CLEC4G: variants seen among roughly 807,000 people sequenced by gnomAD.
The protein encoded by CLEC4G is C-type lectin superfamily 4, member G.
In CLEC4G, 34 loss-of-function variants were observed where a neutral mutation model predicts 37.0. The observed-to-expected ratio is 0.92, with a 90% CI of 0.70 to 1.22. The LOEUF is 1.22. CLEC4G is among the 50% of genes most tolerant of loss of function. The pLI is 0.00. For missense variants in CLEC4G, 390 were observed against 392.9 expected (o/e 0.99, Z 0.06); for synonymous variants, 167 against 165.6 (o/e 1.01, Z -0.06).
chr19:7,729,929 A>T lies in CLEC4G; in HGVS notation c.635T>A (p.Leu212His). Reference sequence around the variant, plus strand: ...ACCACGGCCACGCGTGTTCCGAGTGAGGAAGCCCTAGAAAGGAGGGGACAT... The same window carrying T: ...ACCACGGCCACGCGTGTTCCGAGTGTGGAAGCCCTAGAAAGGAGGGGACAT... ...IVGGLDEQGFLTRNTRGRGYW... is the reference protein window; with the variant it reads ...IVGGLDEQGFHTRNTRGRGYW... Residue 212 changes from leucine (L) to histidine (H), a missense_variant, in exon 8 of 9, where the codon CTC (leucine) becomes CAC (histidine). Coordinates refer to ENST00000328853, the MANE Select transcript of CLEC4G (RefSeq NM_198492.4). The T allele has an allele frequency of 1.2e-6, 2 of 1,614,022 alleles. No individual in the cohort carries two copies. The highest frequency in any genetic ancestry group is 2.7e-5 in the African/African-American group (2 of 75,038).
chr19:7,729,931 G>A lies in CLEC4G; in HGVS notation c.633C>T (p.Phe211=), dbSNP rs1309172072. Residue 211 remains phenylalanine, a synonymous_variant, in exon 8 of 9, where the codon TTC becomes TTT. Coordinates refer to ENST00000328853, the MANE Select transcript of CLEC4G (RefSeq NM_198492.4). The part of the protein sequence containing the change: ...VIVGGLDEQG[F]LTRNTRGRGY... ...CACGGCCACGCGTGTTCCGAGTGAG[G>A]AAGCCCTAGAAAGGAGGGGACATCT... 3.7e-6 allele frequency: 6 copies of A among 1,613,922 alleles called. No individual in the cohort carries two copies. The highest frequency in any genetic ancestry group is 1.3e-5 in the African/African-American group (1 of 74,952).
rs2146298488 is a variant in CLEC4G, at chr19:7,729,030, T to C, written c.*336A>G. 1 of 408,736 alleles carries C rather than the reference T, an allele frequency of 2.4e-6. No individual in the cohort carries two copies. Among genetic ancestry groups the C allele is most frequent in the East Asian group, 5.7e-5 (1 of 17,470 alleles). 25.3% of individuals were successfully genotyped at this position (408,736 alleles called of 1,614,324 possible). A position where few individuals can be genotyped will look rare whatever the true frequency, so the allele number is the denominator to read the frequency against. On this transcript the variant is annotated 3_prime_UTR_variant, in exon 9 of 9. Transcript: ENST00000328853. ...AAACAGCTTCCAGTTTGGTGGAAAA[T>C]GCGAGAAAACCAAACAGCTCCAGTC...
rs755694715 is a variant in CLEC4G at position 7,729,451 on chromosome 19, A to G, written c.797T>C (p.Met266Thr). The G allele has an allele frequency of 2.5e-6, 4 of 1,604,066 alleles. No individual in the cohort carries two copies. In the South Asian group the frequency reaches 3.3e-5, roughly 13 times the overall value. Residue 266 changes from methionine (M) to threonine (T), a missense_variant, in exon 9 of 9, where the codon ATG becomes ACG. Coordinates refer to ENST00000328853, the MANE Select transcript of CLEC4G (RefSeq NM_198492.4). ...NDAWGRENCV[M>T]MLHTGLWNDA... is the part of the protein sequence containing the mutation. ...GTTCCACAGCCCCGTGTGCAGCATC[A>G]TGACACAGTTCTCGCGCCCCCAAGC...
In CLEC4G at chr19:7,730,680, G is replaced by A; in HGVS notation, c.388+75C>T. 2 of 1,485,456 alleles carry A rather than the reference G, an allele frequency of 1.3e-6. No individual in the cohort carries two copies. The highest frequency in any genetic ancestry group is 2.6e-5 in the South Asian group (2 of 76,598). 92.0% of individuals were successfully genotyped at this position (1,485,456 alleles called of 1,614,324 possible). A position where few individuals can be genotyped will look rare whatever the true frequency, so the allele number is the denominator to read the frequency against. On this transcript the variant is annotated intron_variant, in intron 5 of 8. Coordinates refer to ENST00000328853, the MANE Select transcript of CLEC4G (RefSeq NM_198492.4). This position sits in a 1 kb window ranked among gnomAD's most constrained non-coding sequence, Gnocchi z 7.3. ...GACGGGGTGCATGATCGGGGTCGGG[G>A]GTCAGCACTCAGGACGGGGTCGGGG...
Position 7,730,415 on chromosome 19 carries a change from G to A in CLEC4G, c.414C>T (p.Gly138=), listed in dbSNP as rs760940036. The change falls in exon 6 of 9, where the codon GGC becomes GGT. Residue 138 remains glycine (G), a synonymous_variant. Coordinates refer to ENST00000328853, the MANE Select transcript of CLEC4G (RefSeq NM_198492.4). This position sits in a 1 kb window ranked among gnomAD's most constrained non-coding sequence, Gnocchi z 7.3. ...ERVTQGLAEA[G]RGREDVRTEL... ...CAGTGCGGACGTCCTCACGGCCCCTGCCGGCTTCAGCCAAGCCCTGGGTCA... is the reference window on the plus strand; with the variant it reads ...CAGTGCGGACGTCCTCACGGCCCCTACCGGCTTCAGCCAAGCCCTGGGTCA... 3.1e-6 allele frequency: 5 copies of A among 1,601,812 alleles called. No homozygotes were observed. The South Asian group carries it at 5.5e-5, about 18-fold the overall frequency.
In CLEC4G at chr19:7,729,069, C is replaced by G; in HGVS notation, c.*297G>C. 2.0e-6 allele frequency: 1 copy of G among 505,922 alleles called. No homozygotes were observed. The highest frequency in any genetic ancestry group is 1.8e-5 in the South Asian group (1 of 56,458). 31.3% of individuals were successfully genotyped at this position (505,922 alleles called of 1,614,324 possible). On this transcript the variant is annotated 3_prime_UTR_variant, in exon 9 of 9. Transcript: ENST00000328853. The stretch of plus-strand genomic sequence containing the variant: ...ACAGCTCCAGTCCTCAGTCACCTAA[C>G]CTTGGTTAGGGAGAGAAGTGGAGGC...
Position 7,730,220 on chromosome 19 carries a change from G to T in CLEC4G, c.479-53C>A. 2 of 1,596,530 alleles carry T rather than the reference G, an allele frequency of 1.3e-6. No individual in the cohort carries two copies. Among genetic ancestry groups the T allele is most frequent in the South Asian group, 1.1e-5 (1 of 89,582 alleles). On this transcript the variant is annotated intron_variant, in intron 6 of 8. Coordinates refer to ENST00000328853, the MANE Select transcript of CLEC4G (RefSeq NM_198492.4). The surrounding 1 kb of genome is among the most constrained non-coding windows in gnomAD (Gnocchi z 7.3). Reference sequence around the variant, plus strand: ...CGCGTGCTTCCAGGGGCAACGCACCGAGAGGATGCAGTGGGTAGGGGTTCG... The same window carrying T: ...CGCGTGCTTCCAGGGGCAACGCACCTAGAGGATGCAGTGGGTAGGGGTTCG...
intron 3 of CLEC4G, 76 bp downstream of exon 3, chr19:7,731,190 G>A (rs112445978): frequency 2.5e-6 from 4 of 1,574,204 alleles, no homozygotes; most frequent in Admixed American, 1.8e-5. Context: ...CCACGCACTC[G>A]AGACTCCATC....
intron 8 of CLEC4G, 50 bp from the exon 9 acceptor site, chr19:7,729,554 A>G (rs756155814): frequency 1.4e-6 from 2 of 1,436,274 alleles, no homozygotes; most frequent in East Asian, 4.6e-5. Context: ...ACAGAGGATG[A>G]ACTCGGGGTC....
intron 3 of CLEC4G, 82 bp from the exon 4 acceptor site, chr19:7,731,170 C>A: frequency 6.3e-7 from 1 of 1,585,692 alleles, no homozygotes; most frequent in Non-Finnish European, 8.5e-7. Flanking sequence ...CCTCAGGGAC[C>A]ATAGGGCCCC....
At position 7,730,518 on chromosome 19, in the gene CLEC4G, C is replaced by A; in HGVS notation, c.389-78G>T. ...GTCATGACTAGCTAAAGGTCAGGAC[C>A]CCTGTCTGTGGTCATTGTACCCTCG... is the stretch of plus-strand genomic sequence containing the variant. On this transcript the variant is annotated intron_variant, in intron 5 of 8. Coordinates refer to ENST00000328853, the MANE Select transcript of CLEC4G (RefSeq NM_198492.4). This position sits in a 1 kb window ranked among gnomAD's most constrained non-coding sequence, Gnocchi z 7.3. 2 of 1,549,860 alleles carry A rather than the reference C, an allele frequency of 1.3e-6. No homozygotes were observed. The highest frequency in any genetic ancestry group is 1.4e-5 in the African/African-American group (1 of 73,682).
At position 7,731,282 on chromosome 19, in the gene CLEC4G, G is replaced by T; in HGVS notation, c.204C>A (p.Asp68Glu). The T allele has an allele frequency of 6.3e-7, 1 of 1,591,108 alleles. No homozygotes were observed. Among genetic ancestry groups the T allele is most frequent in the Non-Finnish European group, 8.5e-7 (1 of 1,172,914 alleles). ...TGCACACACCGTTTGTCCTCAGCAG[G>T]TCGTGGCCGTCAAGCAGCGCCGCGC... Reference protein sequence around the residue: ...TERAALLDGHDLLRTNASKQT... With the variant: ...TERAALLDGHELLRTNASKQT... The change falls in exon 3 of 9, where the codon GAC (aspartate) becomes GAA (glutamate). Residue 68 changes from aspartate (D) to glutamate (E), a missense_variant. By Grantham distance (45) the Asp-to-Glu change is conservative. Transcript: ENST00000328853.
At chr19:7,729,712 C>G in intron 8 of CLEC4G, 109 bp downstream of exon 8, 1 of 1,529,860 alleles carries the variant, frequency 6.5e-7, no homozygotes, top group Non-Finnish European at 8.8e-7. Flanking sequence ...GCCTGCCCAT[C>G]CCTAAGTATG....
rs746262429 is a variant in CLEC4G, at chr19:7,731,285, G to C, written c.201C>G (p.His67Gln). ...STERAALLDG[H>Q]DLLRTNASKQ... ...ACACACCGTTTGTCCTCAGCAGGTC[G>C]TGGCCGTCAAGCAGCGCCGCGCGCT... Residue 67 changes from histidine to glutamine, a missense_variant, in exon 3 of 9, where the codon CAC becomes CAG. By Grantham distance (24) the His-to-Gln change is conservative (BLOSUM62 0). Coordinates refer to ENST00000328853, the MANE Select transcript of CLEC4G (RefSeq NM_198492.4). 4.1e-5 allele frequency: 65 copies of C among 1,590,680 alleles called. No homozygotes were observed. The highest frequency in any genetic ancestry group is 4.1e-4 in the South Asian group (36 of 88,304).
chr19:7,730,705 G>A lies in CLEC4G; in HGVS notation c.388+50C>T, dbSNP rs2033415250. ...GGTCAGCACTCAGGACGGGGTCGGG[G>A]TCGGGGGACGCGGCCAGGGCTCAGG... On this transcript the variant is annotated intron_variant, in intron 5 of 8. Coordinates refer to ENST00000328853, the MANE Select transcript of CLEC4G (RefSeq NM_198492.4). This position sits in a 1 kb window ranked among gnomAD's most constrained non-coding sequence, Gnocchi z 7.3. The A allele has an allele frequency of 2.0e-6, 3 of 1,505,394 alleles. No homozygotes were observed. Among genetic ancestry groups the A allele is most frequent in the African/African-American group, 2.8e-5 (2 of 72,104 alleles). 93.3% of individuals were successfully genotyped at this position (1,505,394 alleles called of 1,614,324 possible).
At position 7,730,573 on chromosome 19, in the gene CLEC4G, A is replaced by C. The variant is rs932470087; in HGVS notation, c.389-133T>G. The C allele has an allele frequency of 6.8e-7, 1 of 1,462,156 alleles. No individual in the cohort carries two copies. Among genetic ancestry groups the C allele is most frequent in the African/African-American group, 1.4e-5 (1 of 71,144 alleles). The allele number at this position is 1,462,156 out of a possible 1,614,324, so 90.6% of individuals were successfully genotyped here. A position where few individuals can be genotyped will look rare whatever the true frequency, so the allele number is the denominator to read the frequency against. On this transcript the variant is annotated intron_variant, in intron 5 of 8. Coordinates refer to ENST00000328853, the MANE Select transcript of CLEC4G (RefSeq NM_198492.4). The surrounding 1 kb of genome is among the most constrained non-coding windows in gnomAD (Gnocchi z 7.3). ...CAGCGTCCAGGATGGCACAGGGTCA[A>C]GGGCGGTTACAACTGGGCAGGGTCC...
chr19:7,729,965 A>G (rs766044275), intron 7 of CLEC4G, 29 bp from the exon 8 acceptor site: 1 of 1,612,474 alleles, frequency 6.2e-7, no homozygotes, highest in Non-Finnish European at 8.5e-7. Flanking sequence ...CTGAGCCTGC[A>G]GAGTCCGCCC....
rs139161592 is a variant in CLEC4G, at chr19:7,729,880, C to T, written c.684G>A (p.Val228=). The stretch of plus-strand genomic sequence containing the variant: ...AGCCCTGAACCTTGCCCAGATGGCG[C>T]ACAGCCCTCAGGCCCAGCCAGTAAC... The part of the protein sequence containing the change: ...GRGYWLGLRA[V]RHLGKVQGYQ... Residue 228 remains valine (V), a synonymous_variant, in exon 8 of 9, where the codon GTG becomes GTA. Coordinates refer to ENST00000328853, the MANE Select transcript of CLEC4G (RefSeq NM_198492.4). 7.6e-5 allele frequency: 122 copies of T among 1,614,132 alleles called. No individual in the cohort carries two copies. The African/African-American group carries it at 1.5e-3, about 20-fold the overall frequency.
chr19:7,730,851 TC>T lies in CLEC4G; in HGVS notation c.291del (p.Thr98ArgfsTer19). 2 of 1,529,424 alleles carry T rather than the reference TC, an allele frequency of 1.3e-6. No homozygotes were observed. The highest frequency in any genetic ancestry group is 1.7e-6 in the Non-Finnish European group (2 of 1,144,924). The allele number at this position is 1,529,424 out of a possible 1,614,324, so 94.7% of individuals were successfully genotyped here. Reference protein sequence around the residue: ...EVGDCHSCCSGTQAQLQTTRA... With the variant: ...EVGDCHSCCSXTQAQLQTTRA... ...CGCGTGGTCTGCAGCTGCGCCTGCG[TC>T]CCCGAGCCTGGGAGCCGCAGGGTGA... is the stretch of plus-strand genomic sequence containing the variant. On this transcript the variant is annotated frameshift_variant, in exon 5 of 9. Coordinates refer to ENST00000328853, the MANE Select transcript of CLEC4G (RefSeq NM_198492.4). LOFTEE classifies it high-confidence loss of function. The surrounding 1 kb of genome is among the most constrained non-coding windows in gnomAD (Gnocchi z 7.3).
Sources: allele counts gnomAD v4.1 joint callset, GRCh38; gene constraint gnomAD v4.1.1; non-coding constraint Gnocchi (gnomAD v3.1); transcripts MANE v1.5; gene names NCBI Gene and HGNC (gene_info 2026-07-23, HGNC 2026-07-21).